TM9SF2: variants seen among roughly 807,000 people sequenced by gnomAD.
TM9SF2 encodes the protein transmembrane 9 superfamily member 2.
In TM9SF2, 13 loss-of-function variants were observed where a neutral mutation model predicts 84.9. The ratio of observed to expected loss-of-function variants is 0.15; its 90% CI spans 0.10 to 0.24. The LOEUF (loss-of-function observed/expected upper bound fraction) is 0.24, where lower values mean the gene tolerates loss of function less well. TM9SF2 is among the 10% of genes least tolerant of loss of function. The pLI, the probability that TM9SF2 is intolerant of heterozygous loss-of-function variation, is 1.00. For synonymous variants in TM9SF2, 273 were observed against 285.8 expected, an observed-to-expected ratio of 0.96 and a Z score of 0.45; for missense variants, 562 against 818.5, an observed-to-expected ratio of 0.69 and a Z score of 3.82.
intron 6 of TM9SF2, 82 bp downstream of exon 6, chr13:99,537,945 C>T: frequency 9.5e-6 from 14 of 1,469,424 alleles, no homozygotes; most frequent in Non-Finnish European, 1.3e-5. Context: ...TCAATTACTC[C>T]TTAATATTCT....
At chr13:99,533,228 A>G (rs1423425762) in intron 4 of TM9SF2, among the ~76,000 whole-genome samples, 2 of 152,348 alleles carry the variant, frequency 1.3e-5, no homozygotes, top group Non-Finnish European at 2.9e-5. Context: ...ATAAAGCAAT[A>G]CATGCCGATG....
At chr13:99,519,105 A>G (rs916531470) in intron 2 of TM9SF2, among the ~76,000 whole-genome samples, 1 of 152,216 alleles carries the variant, frequency 6.6e-6, no homozygotes, top group African/African-American at 2.4e-5. Context: ...AAGAATTCAT[A>G]TATCTAAGTA....
chr13:99,520,229 G>T, intron 3 of TM9SF2, 100 bp downstream of exon 3: 1 of 975,824 alleles, frequency 1.0e-6, no homozygotes, highest in South Asian at 1.7e-5. Context: ...CTAAGGAGGA[G>T]TTCATTTCTC....
intron 3 of TM9SF2, among the ~76,000 whole-genome samples, chr13:99,522,113 T>G (rs2046163474): frequency 6.6e-6 from 1 of 152,132 alleles, no homozygotes; most frequent in African/African-American, 2.4e-5. Flanking sequence ...CTCCGCCTCC[T>G]GGGTTCAAGT....
At chr13:99,523,912 T>C (rs575593942) in intron 3 of TM9SF2, among the ~76,000 whole-genome samples, 165 of 152,292 alleles carry the variant, frequency 1.1e-3, no homozygotes, top group African/African-American at 3.9e-3. Context: ...TAAAAAAGCC[T>C]TACCGAGAAG....
At chr13:99,501,854 G>A in intron 1 of TM9SF2, 77 bp downstream of exon 1, 1 of 1,537,240 alleles carries the variant, frequency 6.5e-7, no homozygotes, top group South Asian at 1.2e-5. Context: ...CTGATCCTCG[G>A]GTGGGAGCGA....
chr13:99,525,835 G>GT (rs2046180822), intron 3 of TM9SF2, among the ~76,000 whole-genome samples: 1 of 152,170 alleles, frequency 6.6e-6, no homozygotes, highest in South Asian at 2.1e-4. Context: ...GATTACAGGC[G>GT]TGAGCCACCG....
chr13:99,537,667 A>G (rs2046240338), intron 5 of TM9SF2, 72 bp from the exon 6 acceptor site: 1 of 1,277,060 alleles, frequency 7.8e-7, no homozygotes, highest in East Asian at 2.5e-5. Flanking sequence ...GTTGTAGCCC[A>G]TTTTAAAGTT....
chr13:99,551,685 G>C (rs1256894650), intron 12 of TM9SF2, among the ~76,000 whole-genome samples: 1 of 152,084 alleles, frequency 6.6e-6, no homozygotes, highest in Non-Finnish European at 1.5e-5. Flanking sequence ...TTAGATGTTT[G>C]GGTTCAAAAA....
intron 1 of TM9SF2, among the ~76,000 whole-genome samples, chr13:99,506,398 G>C (rs531753058): frequency 6.6e-6 from 1 of 152,238 alleles, no homozygotes; most frequent in African/African-American, 2.4e-5. Flanking sequence ...TTAGCTTCTG[G>C]GAACTCATTA....
At chr13:99,514,816 C>A (rs2046127335) in intron 1 of TM9SF2, among the ~76,000 whole-genome samples, 1 of 152,236 alleles carries the variant, frequency 6.6e-6, no homozygotes, top group Non-Finnish European at 1.5e-5. Flanking sequence ...AAGAACATTT[C>A]CATCATTGCT....
Position 99,526,373 on chromosome 13 carries a change from A to T in TM9SF2, c.334-3094A>T, listed in dbSNP as rs9557251. Among the ~76,000 whole-genome samples the T allele has an allele frequency of 5.9e-5, 9 of 152,064 alleles. No individual in the cohort carries two copies. In the South Asian group the frequency reaches 1.5e-3, roughly 25 times the overall value. On this transcript the variant is annotated intron_variant, in intron 3 of 16. Coordinates refer to ENST00000376387, the MANE Select transcript of TM9SF2 (RefSeq NM_004800.3). ...TACCAAAAAAGTGAGAGAAGAACAC[A>T]GGATGTGAGGACATCTTTGGATGTT...
chr13:99,545,958 A>G (rs188985450), intron 10 of TM9SF2, among the ~76,000 whole-genome samples: 1 of 152,328 alleles, frequency 6.6e-6, no homozygotes, highest in African/African-American at 2.4e-5. Flanking sequence ...AAGGAAGGAA[A>G]GTTTCAGAGA....
intron 8 of TM9SF2, 92 bp from the exon 9 acceptor site, chr13:99,541,467 G>C (rs941037731): frequency 1.2e-6 from 1 of 862,160 alleles, no homozygotes; most frequent in Non-Finnish European, 1.8e-6. Context: ...GATCAAGACT[G>C]TTTTAATGTT....
At chr13:99,542,873 C>G (rs1054324531) in intron 9 of TM9SF2, among the ~76,000 whole-genome samples, 4 of 152,158 alleles carry the variant, frequency 2.6e-5, no homozygotes, top group Non-Finnish European at 5.9e-5. Context: ...CTTCCCATCT[C>G]TTAGCACAGC....
chr13:99,503,709 CA>C (rs386380419), intron 1 of TM9SF2, among the ~76,000 whole-genome samples: 4,445 of 78,450 alleles, frequency 0.057, 23 homozygotes, highest in Middle Eastern at 0.12. Context: ...GACTTTGTCT[CA>C]AAAAAAAAAA....
At chr13:99,525,033 A>T (rs2046176226) in intron 3 of TM9SF2, among the ~76,000 whole-genome samples, 1 of 152,086 alleles carries the variant, frequency 6.6e-6, no homozygotes, top group Non-Finnish European at 1.5e-5. Flanking sequence ...GTCAGGTGAG[A>T]TAAGGACAGA....
At chr13:99,522,202 G>A (rs1192636220) in intron 3 of TM9SF2, among the ~76,000 whole-genome samples, 2 of 152,040 alleles carry the variant, frequency 1.3e-5, no homozygotes, top group Non-Finnish European at 2.9e-5. Context: ...TGTATTTTTC[G>A]TAGAGATGGG....
chr13:99,560,013 T>C (rs2046337844), intron 16 of TM9SF2, among the ~76,000 whole-genome samples: 1 of 152,272 alleles, frequency 6.6e-6, no homozygotes. Context: ...ATTCAAGCAT[T>C]GAACAGGATA....
Sources: gnomAD v4.1 joint callset for allele counts (sites outside exome capture counted in the v4.1 genomes callset) on GRCh38, gnomAD v4.1.1 for gene constraint, MANE v1.5 for transcripts, NCBI Gene and HGNC (gene_info 2026-07-23, HGNC 2026-07-21) for gene names.